Variants in PPP2R5A observed in about 807,000 individuals in gnomAD.
PPP2R5A encodes serine/threonine-protein phosphatase 2A 56 kDa regulatory subunit alpha isoform.
PPP2R5A carries 25 observed loss-of-function variants against 64.2 expected under a neutral mutation model. The observed-to-expected ratio is 0.39, with a 90% CI of 0.28 to 0.54. The LOEUF (loss-of-function observed/expected upper bound fraction) is 0.54. Ranked by LOEUF, PPP2R5A falls within the 20% of genes least tolerant of loss-of-function variation. The pLI is 0.67. For synonymous variants in PPP2R5A, 198 were observed against 201.2 expected (o/e 0.98, Z 0.13); for missense variants, 425 against 576.3 (o/e 0.74, Z 2.69).
chr1:212,358,124 A>C (rs1390449505), intron 11 of PPP2R5A: 1 of 152,198 alleles, frequency 6.6e-6, no homozygotes, highest in South Asian at 2.1e-4. Context: ...TTAAAATTGC[A>C]AATCTCCCTG....
At chr1:212,342,095 T>C (rs1659695449) in intron 3 of PPP2R5A, 93 bp from the exon 4 acceptor site, 1 of 1,462,724 alleles carries the variant, frequency 6.8e-7, no homozygotes, top group African/African-American at 1.4e-5. Context: ...CCCACTAAGT[T>C]GGTAAGAAAA....
chr1:212,360,501 AG>A (rs1660060638), intron 12 of PPP2R5A, 136 bp from the exon 13 acceptor site: 4 of 679,218 alleles, frequency 5.9e-6, no homozygotes, highest in Non-Finnish European at 9.5e-6. Flanking sequence ...GCTCCAGGTA[AG>A]TGGACTCCAA....
chr1:212,294,580 T>C (rs1571572993), intron 1 of PPP2R5A, among the ~76,000 whole-genome samples: 1 of 152,338 alleles, frequency 6.6e-6, no homozygotes, highest in Middle Eastern at 3.4e-3. Flanking sequence ...ACAGAAATCT[T>C]TTCCTTTCTT....
chr1:212,340,749 C>T (rs1291860687), intron 3 of PPP2R5A, among the ~76,000 whole-genome samples: 1 of 152,150 alleles, frequency 6.6e-6, no homozygotes, highest in African/African-American at 2.4e-5. Flanking sequence ...ATACATCAAG[C>T]AAAATTGTAT....
chr1:212,328,534 C>T (rs957698714), intron 1 of PPP2R5A, among the ~76,000 whole-genome samples: 2 of 152,128 alleles, frequency 1.3e-5, no homozygotes, highest in Non-Finnish European at 2.9e-5. Context: ...ACTTTGTATA[C>T]AGCCGAGAGG....
intron 1 of PPP2R5A, among the ~76,000 whole-genome samples, chr1:212,291,546 G>C: frequency 6.6e-6 from 1 of 152,178 alleles, no homozygotes; most frequent in South Asian, 2.1e-4. Flanking sequence ...GAATCACCGG[G>C]TTAGCATTGT....
intron 1 of PPP2R5A, among the ~76,000 whole-genome samples, chr1:212,295,874 T>C (rs535111898): frequency 1.3e-5 from 2 of 152,074 alleles, no homozygotes; most frequent in African/African-American, 4.8e-5. Flanking sequence ...TGAGTAGAAA[T>C]TGTAAAAGCT....
At chr1:212,314,198 G>A (rs556315547) in intron 1 of PPP2R5A, among the ~76,000 whole-genome samples, 12 of 152,298 alleles carry the variant, frequency 7.9e-5, no homozygotes, top group Non-Finnish European at 1.6e-4. Context: ...GCCCCAGCTA[G>A]TCTGTCAGCC....
rs756286291 is a variant in PPP2R5A, at chr1:212,329,172, G to C, written c.219G>C (p.Gln73His). Residue 73 changes from glutamine (Q) to histidine (H), a missense_variant, in exon 2 of 13, where the codon CAG becomes CAC. Gln to His is a conservative substitution (Grantham distance 24). This residue lies in a region of PPP2R5A where 104 missense variants were observed against 95.7 expected (regional missense o/e 1.09). Transcript: ENST00000261461. Reference sequence around the variant, plus strand: ...ATGAACAACAAGAGCTTTTCTGTCAGAAGTTGCAGCAGTGTTGTATACTGT... The same window carrying C: ...ATGAACAACAAGAGCTTTTCTGTCACAAGTTGCAGCAGTGTTGTATACTGT... ...TSNEQQELFC[Q>H]KLQQCCILFD... 6.4e-7 allele frequency: 1 copy of C among 1,558,054 alleles called. No individual in the cohort carries two copies. The highest frequency in any genetic ancestry group is 8.7e-7 in the Non-Finnish European group (1 of 1,154,356).
Position 212,297,093 on chromosome 1 carries a change from C to CCTCTTTTTTTTTTTTTTTTTTT in PPP2R5A, c.181+10802_181+10803insCTCTTTTTTTTTTTTTTTTTTT, listed in dbSNP as rs1558138694. ...ACGTTTCTTTTCTTTTTCTTTGCTT[C>CCTCTTTTTTTTTTTTTTTTTTT]TTCTTTTTTTTTTTTTTTTTTTTTT... On this transcript the variant is annotated intron_variant, in intron 1 of 12. Coordinates refer to ENST00000261461, the MANE Select transcript of PPP2R5A (RefSeq NM_006243.4). 2.4e-5 allele frequency among the ~76,000 whole-genome samples: 2 copies of CCTCTTTTTTTTTTTTTTTTTTT among 81,916 alleles called. 1 individual carries two copies. Among genetic ancestry groups the CCTCTTTTTTTTTTTTTTTTTTT allele is most frequent in the African/African-American group, 1.0e-4 (2 of 19,982 alleles). 53.7% of individuals were successfully genotyped at this position (81,916 alleles called of 152,430 possible).
intron 1 of PPP2R5A, among the ~76,000 whole-genome samples, chr1:212,299,808 A>G (rs923748018): frequency 2.6e-5 from 4 of 151,616 alleles, no homozygotes; most frequent in Non-Finnish European, 4.4e-5. Context: ...TATTGCCTTC[A>G]TAAGACTTTT....
chr1:212,348,649 GTATT>G, intron 7 of PPP2R5A, 152 bp downstream of exon 7: 6 of 599,792 alleles, frequency 1.0e-5, no homozygotes, highest in Non-Finnish European at 1.7e-5. Context: ...TTATTTTAAA[GTATT>G]TAGTTGTTAA....
Position 212,298,892 on chromosome 1 carries a change from T to C in PPP2R5A, c.181+12601T>C, listed in dbSNP as rs1173540685. 2.2e-3 allele frequency among the ~76,000 whole-genome samples: 54 copies of C among 25,034 alleles called. 1 individual carries two copies. Among genetic ancestry groups the C allele is most frequent in the African/African-American group, 0.018 (43 of 2,338 alleles). 16.4% of individuals were successfully genotyped at this position (25,034 alleles called of 152,430 possible). On this transcript the variant is annotated intron_variant, in intron 1 of 12. Transcript: ENST00000261461. The stretch of plus-strand genomic sequence containing the variant: ...CCAGGCGGGGGGCTGACCCCCCACC[T>C]CCCTCCCGGACTGGGCGGCTGGCCG...
At chr1:212,297,712 C>G (rs1325297667) in intron 1 of PPP2R5A, 1 of 151,986 alleles carries the variant, frequency 6.6e-6, no homozygotes, top group Non-Finnish European at 1.5e-5. Flanking sequence ...CTTTGAAACA[C>G]TGTCCTCTCA....
At chr1:212,327,148 T>C (rs1378845533) in intron 1 of PPP2R5A, among the ~76,000 whole-genome samples, 1 of 152,238 alleles carries the variant, frequency 6.6e-6, no homozygotes, top group African/African-American at 2.4e-5. Context: ...TGCCTGTATC[T>C]TTATATAAAG....
chr1:212,356,853 T>C (rs980256400), intron 9 of PPP2R5A, 97 bp from the exon 10 acceptor site: 6 of 1,301,922 alleles, frequency 4.6e-6, no homozygotes, highest in Non-Finnish European at 6.3e-6. Flanking sequence ...TTTTTGCTTA[T>C]TGTATACTAT....
rs141034840 is a variant in PPP2R5A, at chr1:212,314,244, GCCTT to G, written c.182-14889_182-14886del. Among the ~76,000 whole-genome samples, 1,194 of 152,254 alleles carry G rather than the reference GCCTT, an allele frequency of 7.8e-3. 17 individuals carry two copies. The highest frequency in any genetic ancestry group is 0.027 in the African/African-American group (1,123 of 41,542). On this transcript the variant is annotated intron_variant, in intron 1 of 12. Transcript: ENST00000261461. ...AACTACCAGACATAAGAGTTATTTA[GCCTT>G]CTCAGAATTCCATCCTCTAGTTTTC... is the stretch of plus-strand genomic sequence containing the variant.
chr1:212,294,759 A>G (rs1015115327), intron 1 of PPP2R5A, among the ~76,000 whole-genome samples: 4 of 152,222 alleles, frequency 2.6e-5, no homozygotes, highest in African/African-American at 7.2e-5. Flanking sequence ...CAGTGTCATG[A>G]TAAGAATAAG....
chr1:212,320,978 G>A (rs1193907641), intron 1 of PPP2R5A, among the ~76,000 whole-genome samples: 1 of 79,614 alleles, frequency 1.3e-5, no homozygotes. Flanking sequence ...GCGGCTGGCC[G>A]GGCAGAGGGG....
Sources: allele counts gnomAD v4.1 joint callset (sites outside exome capture counted in the v4.1 genomes callset), GRCh38; gene constraint gnomAD v4.1.1; regional missense constraint gnomAD v4.1.1; transcripts MANE v1.5; gene names NCBI Gene and HGNC (gene_info 2026-07-23, HGNC 2026-07-21).